CASK: variants seen among roughly 807,000 people sequenced by gnomAD.
The protein encoded by CASK is calcium/calmodulin dependent serine protein kinase.
A neutral mutation model predicts 82.9 loss-of-function variants in CASK; 4 were observed. That is an observed-to-expected ratio of 0.05 (90% CI 0.02 to 0.11). The LOEUF is 0.11. Among genes scored for constraint, CASK ranks in the 10% least tolerant of loss-of-function variants. CASK has a pLI of 1.00. For synonymous variants in CASK, 259 were observed against 253.5 expected (o/e 1.02, Z -0.20); for missense variants, 358 against 720.9 (o/e 0.50, Z 5.76).
At chrX:41,643,424 T>C (rs1307416287) in intron 8 of CASK, among the ~76,000 whole-genome samples, 1 of 111,986 alleles carries the variant, frequency 8.9e-6, no homozygotes, top group Non-Finnish European at 1.9e-5. Context: ...ATTCTTCCAT[T>C]TGTTTGTGTC....
intron 5 of CASK, among the ~76,000 whole-genome samples, chrX:41,681,597 T>C (rs754438717): frequency 9.0e-6 from 1 of 111,522 alleles, no homozygotes; most frequent in African/African-American, 3.3e-5. Flanking sequence ...TTATTTTCAC[T>C]GTGTTTAGTG....
At chrX:41,878,474 A>C (rs188558879) in intron 1 of CASK, among the ~76,000 whole-genome samples, 1 of 110,262 alleles carries the variant, frequency 9.1e-6, no homozygotes, top group Non-Finnish European at 1.9e-5. Flanking sequence ...CTTTTTTTTT[A>C]AAATTTTATT....
intron 9 of CASK, among the ~76,000 whole-genome samples, chrX:41,631,690 C>T (rs1200913606): frequency 2.7e-5 from 3 of 109,706 alleles, no homozygotes; most frequent in African/African-American, 9.9e-5. Flanking sequence ...AGGCTGGTCT[C>T]GAACTCCTGA....
Position 41,518,986 on chromosome X carries a change from G to A in CASK, c.*1434C>T. ...ACAGCAAGAGGAAGGAGAGACCACA[G>A]GTGGCCTCCAGTACACCCGTGGCCC... On this transcript the variant is annotated 3_prime_UTR_variant, in exon 27 of 27. Coordinates refer to ENST00000378163, the MANE Select transcript of CASK (RefSeq NM_001367721.1). The A allele has an allele frequency of 9.0e-6, 1 of 111,570 alleles. No individual in the cohort carries two copies. The highest frequency in any genetic ancestry group is 2.8e-4 in the East Asian group (1 of 3,562). 9.2% of individuals were successfully genotyped at this position (111,570 alleles called of 1,213,427 possible).
intron 2 of CASK, among the ~76,000 whole-genome samples, chrX:41,808,106 C>T (rs192732771): frequency 1.2e-4 from 13 of 111,912 alleles, no homozygotes; most frequent in South Asian, 1.1e-3. Context: ...CCATCTGCCT[C>T]GGCTTCCCAA....
At chrX:41,871,541 T>C (rs1039499425) in intron 1 of CASK, among the ~76,000 whole-genome samples, 1 of 111,800 alleles carries the variant, frequency 8.9e-6, no homozygotes, top group African/African-American at 3.3e-5. Flanking sequence ...TATAATTCTG[T>C]TTATTACTGT....
chrX:41,724,537 A>C (rs996592719), intron 5 of CASK, among the ~76,000 whole-genome samples: 4 of 112,185 alleles, frequency 3.6e-5, no homozygotes, highest in African/African-American at 1.3e-4. Flanking sequence ...AGACTTAGAG[A>C]CATTTTCTGG....
chrX:41,676,274 T>C, intron 5 of CASK: 1 of 1,194,799 alleles, frequency 8.4e-7, no homozygotes, highest in Middle Eastern at 3.2e-4. Context: ...CTGCTGTTTT[T>C]TCTCAGCACC....
intron 8 of CASK, 78 bp downstream of exon 8, chrX:41,660,361 A>G: frequency 1.2e-6 from 1 of 865,340 alleles, no homozygotes; most frequent in Non-Finnish European, 1.7e-6. Context: ...AAAAAGGACC[A>G]TCTCATAGAG....
chrX:41,609,849 G>A, intron 12 of CASK, 55 bp downstream of exon 12: 1 of 1,184,125 alleles, frequency 8.4e-7, no homozygotes, highest in Non-Finnish European at 1.1e-6. Context: ...GAGCCACCGT[G>A]CCCGGCCAAT....
chrX:41,616,568 T>A (rs1490620627), intron 11 of CASK, among the ~76,000 whole-genome samples: 1 of 111,607 alleles, frequency 9.0e-6, no homozygotes, highest in Non-Finnish European at 1.9e-5. Flanking sequence ...GGAAAAGAAC[T>A]TGAACAATGC....
intron 5 of CASK, among the ~76,000 whole-genome samples, chrX:41,737,567 G>A (rs147962118): frequency 8.9e-6 from 1 of 111,747 alleles, no homozygotes; most frequent in African/African-American, 3.3e-5. Context: ...TAAAAGGTGA[G>A]GTCAAATTAT....
intron 5 of CASK, among the ~76,000 whole-genome samples, chrX:41,672,510 A>C (rs1452241883): frequency 1.8e-5 from 2 of 111,261 alleles, no homozygotes; most frequent in Non-Finnish European, 3.8e-5. Flanking sequence ...GGTTTTTAAA[A>C]ATTCTCTCCT....
At chrX:41,892,493 C>T (rs1315181977) in intron 1 of CASK, among the ~76,000 whole-genome samples, 2 of 110,125 alleles carry the variant, frequency 1.8e-5, no homozygotes, top group African/African-American at 6.6e-5. Context: ...TCACCACACC[C>T]AGCTAAATTT....
At chrX:41,759,802 C>T (rs1230757577) in intron 3 of CASK, among the ~76,000 whole-genome samples, 1 of 112,161 alleles carries the variant, frequency 8.9e-6, no homozygotes, top group East Asian at 2.8e-4. Flanking sequence ...TTTGCCACTT[C>T]TAAAATTGAT....
chrX:41,650,871 T>C (rs1314360921), intron 8 of CASK, among the ~76,000 whole-genome samples: 1 of 111,945 alleles, frequency 8.9e-6, no homozygotes, highest in Non-Finnish European at 1.9e-5. Flanking sequence ...GGACAAATAC[T>C]GAAATATAAC....
chrX:41,719,694 A>AT (rs1410295354), intron 5 of CASK, among the ~76,000 whole-genome samples: 2 of 112,059 alleles, frequency 1.8e-5, no homozygotes, highest in Non-Finnish European at 3.8e-5. Flanking sequence ...TCCGGTTTCC[A>AT]TTGGCTGGAA....
At chrX:41,809,438 C>A (rs971980062) in intron 2 of CASK, among the ~76,000 whole-genome samples, 3 of 112,189 alleles carry the variant, frequency 2.7e-5, no homozygotes, top group Non-Finnish European at 3.8e-5. Context: ...CAGCAATATT[C>A]GCTGTTCTGC....
In CASK at chrX:41,571,646, T is replaced by G. The variant is rs140841051; in HGVS notation, c.1504-1900A>C. On this transcript the variant is annotated intron_variant, in intron 15 of 26. Transcript: ENST00000378163. ...TATTGCTTTCTGCTTTCTATTTCAT[T>G]AATTTCTACTTTGATCTTTATTATT... is the stretch of plus-strand genomic sequence containing the variant. Among the ~76,000 whole-genome samples, 1,025 of 112,154 alleles carry G rather than the reference T, an allele frequency of 9.1e-3. 12 individuals are homozygous for G. The highest frequency in any genetic ancestry group is 0.031 in the African/African-American group (970 of 30,900).
Sources: allele counts gnomAD v4.1 joint callset (sites outside exome capture counted in the v4.1 genomes callset), GRCh38; gene constraint gnomAD v4.1.1; transcripts MANE v1.5; gene names NCBI Gene and HGNC (gene_info 2026-07-23, HGNC 2026-07-21).